Variants in IGDCC4 observed in about 807,000 individuals in gnomAD.
The protein encoded by IGDCC4 is immunoglobulin superfamily DCC subclass member 4.
IGDCC4 carries 72 observed loss-of-function variants against 116.6 expected under a neutral mutation model. The ratio of observed to expected loss-of-function variants is 0.62; its 90% CI spans 0.51 to 0.75. The LOEUF (loss-of-function observed/expected upper bound fraction) is 0.75, where lower values mean the gene tolerates loss of function less well. Ranked by LOEUF, IGDCC4 falls within the 30% of genes least tolerant of loss-of-function variation. The pLI is 0.00. For synonymous variants in IGDCC4, 709 were observed against 719.9 expected, an observed-to-expected ratio of 0.98 and a Z score of 0.24; for missense variants, 1,501 against 1,662.4, an observed-to-expected ratio of 0.90 and a Z score of 1.69.
At chr15:65,405,364 T>C (rs1009333187) in intron 3 of IGDCC4, among the ~76,000 whole-genome samples, 1 of 151,860 alleles carries the variant, frequency 6.6e-6, no homozygotes, top group African/African-American at 2.4e-5. Flanking sequence ...AATTTTTAAA[T>C]GTAAATTGCT....
intron 1 of IGDCC4, among the ~76,000 whole-genome samples, chr15:65,420,034 C>A (rs931836676): frequency 6.0e-5 from 9 of 149,784 alleles, no homozygotes; most frequent in African/African-American, 2.2e-4. Context: ...GCAACCTTCA[C>A]CTCCCAGGTT....
Position 65,386,059 on chromosome 15 carries a change from C to G in IGDCC4, c.2952G>C (p.Arg984Ser). Residue 984 changes from arginine to serine, a missense_variant and splice_region_variant, in exon 18 of 20, where the codon AGG (arginine) becomes AGC (serine). By Grantham distance (110) the Arg-to-Ser change is moderately radical (BLOSUM62 -1). Around this residue, in one of 3 missense-constraint regions of IGDCC4, gnomAD observed 368 missense variants for 355.6 expected, o/e 1.03. Transcript: ENST00000352385. ...TGGAGGACAGGCCTGGGAGGGATTC[C>G]CTGGAAGGGAAGACGGAAAACAAGG... ...MCAGLRRSPH[R>S]ESLPGLSSTA... 1 of 1,498,318 alleles carries G rather than the reference C, an allele frequency of 6.7e-7. No individual in the cohort carries two copies. Among genetic ancestry groups the G allele is most frequent in the South Asian group, 1.3e-5 (1 of 75,920 alleles). The allele number at this position is 1,498,318 out of a possible 1,614,324, so 92.8% of individuals were successfully genotyped here.
In IGDCC4 at chr15:65,393,636, G is replaced by A. The variant is rs565872778; in HGVS notation, c.1715-105C>T. Reference sequence around the variant, plus strand: ...CTCACATCCCGGTTCCTCCGTGCCCGTGGGAGCCTGAGGCGTTCTCAGCAC... The same window carrying A: ...CTCACATCCCGGTTCCTCCGTGCCCATGGGAGCCTGAGGCGTTCTCAGCAC... On this transcript the variant is annotated intron_variant, in intron 9 of 19. Coordinates refer to ENST00000352385, the MANE Select transcript of IGDCC4 (RefSeq NM_020962.3). The surrounding 1 kb of genome is among the most constrained non-coding windows in gnomAD (Gnocchi z 4.6). 105 of 1,227,962 alleles carry A rather than the reference G, an allele frequency of 8.6e-5. No homozygotes were observed. The South Asian group carries it at 1.3e-3, about 15-fold the overall frequency. 76.1% of individuals were successfully genotyped at this position (1,227,962 alleles called of 1,614,324 possible).
chr15:65,384,857 G>T lies in IGDCC4; in HGVS notation c.3342+97C>A. ...TGGCTAGACTTCTATCCCCAGGAAA[G>T]TTACCACCCAGGGGTCTCCAGAGAA... On this transcript the variant is annotated intron_variant, in intron 19 of 19. Transcript: ENST00000352385. This position sits in a 1 kb window ranked among gnomAD's most constrained non-coding sequence, Gnocchi z 4.9. The T allele has an allele frequency of 6.9e-7, 1 of 1,457,404 alleles. No individual in the cohort carries two copies. Among genetic ancestry groups the T allele is most frequent in the Non-Finnish European group, 9.2e-7 (1 of 1,091,744 alleles). 90.3% of individuals were successfully genotyped at this position (1,457,404 alleles called of 1,614,324 possible).
chr15:65,401,078 G>A (rs1490518921), intron 4 of IGDCC4, 132 bp from the exon 5 acceptor site: 1 of 1,138,706 alleles, frequency 8.8e-7, no homozygotes, highest in South Asian at 1.4e-5. Context: ...TCAGATGGGG[G>A]ACGTAGCCAT....
At chr15:65,403,103 G>A (rs959668681) in intron 3 of IGDCC4, among the ~76,000 whole-genome samples, 9 of 152,300 alleles carry the variant, frequency 5.9e-5, no homozygotes, top group African/African-American at 1.2e-4. Flanking sequence ...TGTGTTAAAC[G>A]ATATTCACTC....
At chr15:65,398,402 T>C (rs1389715626) in intron 5 of IGDCC4, among the ~76,000 whole-genome samples, 8 of 150,950 alleles carry the variant, frequency 5.3e-5, no homozygotes, top group African/African-American at 7.3e-5. Context: ...AGTGTGGTGG[T>C]GCATGCCTGT....
chr15:65,396,926 G>T lies in IGDCC4; in HGVS notation c.905C>A (p.Ala302Glu), dbSNP rs1385057176. The part of the protein sequence containing the change: ...LGRTNLLIAN[A>E]QPWHSGVYVC... ...ATAGACGCCGGAGTGCCAGGGCTGC[G>T]CGTTGGCAATTAGTAGGTTGGTGCG... Residue 302 changes from alanine to glutamate, a missense_variant, in exon 6 of 20, where the codon GCG (alanine) becomes GAG (glutamate). This residue lies in a region of IGDCC4 where 898 missense variants were observed against 978.9 expected (regional missense o/e 0.92). Coordinates refer to ENST00000352385, the MANE Select transcript of IGDCC4 (RefSeq NM_020962.3). 1 of 1,575,226 alleles carries T rather than the reference G, an allele frequency of 6.3e-7. No individual in the cohort carries two copies. Among genetic ancestry groups the T allele is most frequent in the Non-Finnish European group, 8.6e-7 (1 of 1,159,994 alleles).
intron 1 of IGDCC4, among the ~76,000 whole-genome samples, chr15:65,416,146 T>TC (rs1293718730): frequency 7.3e-6 from 1 of 137,436 alleles, no homozygotes; most frequent in East Asian, 2.1e-4. Context: ...CTTTTTTTTT[T>TC]TTTTTTTTTT....
At position 65,390,229 on chromosome 15, in the gene IGDCC4, G is replaced by T; in HGVS notation, c.2334C>A (p.Val778=). 6.2e-7 allele frequency: 1 copy of T among 1,613,468 alleles called. No individual in the cohort carries two copies. Among genetic ancestry groups the T allele is most frequent in the South Asian group, 1.1e-5 (1 of 90,984 alleles). The change falls in exon 13 of 20, where the codon GTC becomes GTA. Residue 778 remains valine (V), a synonymous_variant. Transcript: ENST00000352385. ...LRWKKPDFTT[V]KIVNYTVRFS... ...AGCGCACAGTGTAGTTGACAATCTT[G>T]ACTGTGGTGAAATCTGGCTTTTTCC...
In IGDCC4 at chr15:65,402,497, A is replaced by C; in HGVS notation, c.564-10T>G. The C allele has an allele frequency of 6.4e-7, 1 of 1,564,378 alleles. No individual in the cohort carries two copies. The highest frequency in any genetic ancestry group is 8.7e-7 in the Non-Finnish European group (1 of 1,153,480). ...GGGAAGCACGATGAGCCTTGGGAAG[A>C]GGGGAGCAGGCAACTGTGAGGTGGG... is the stretch of plus-strand genomic sequence containing the variant. On this transcript the variant is annotated splice_polypyrimidine_tract_variant and intron_variant, in intron 3 of 19. Transcript: ENST00000352385.
At position 65,384,186 on chromosome 15, in the gene IGDCC4, G is replaced by A. The variant is rs367765322; in HGVS notation, c.3576C>T (p.Pro1192=). The A allele has an allele frequency of 1.4e-4, 220 of 1,612,136 alleles. No homozygotes were observed. Among genetic ancestry groups the A allele is most frequent in the Non-Finnish European group, 1.8e-4 (207 of 1,178,906 alleles). ...GCAAGCAGGTAAGTCTGTCTGGCCCGGGGGCTGCCAGCTCACACCCTCCCA... is the reference window on the plus strand; with the variant it reads ...GCAAGCAGGTAAGTCTGTCTGGCCCAGGGGCTGCCAGCTCACACCCTCCCA... The part of the protein sequence containing the change: ...RELGGCELAA[P]GPDRLTCLPE... Residue 1192 remains proline (P), a synonymous_variant, in exon 20 of 20, where the codon CCC becomes CCT. Transcript: ENST00000352385. The surrounding 1 kb of genome is among the most constrained non-coding windows in gnomAD (Gnocchi z 4.9).
At chr15:65,400,462 A>G (rs942637366) in intron 5 of IGDCC4, among the ~76,000 whole-genome samples, 1 of 152,228 alleles carries the variant, frequency 6.6e-6, no homozygotes, top group African/African-American at 2.4e-5. Flanking sequence ...CCAGCTCTCA[A>G]GTACTCACTT....
In IGDCC4 at chr15:65,406,950, T is replaced by C. The variant is rs144263149; in HGVS notation, c.563+3228A>G. Among the ~76,000 whole-genome samples, 782 of 152,268 alleles carry C rather than the reference T, an allele frequency of 5.1e-3. 9 individuals are homozygous for C. Among genetic ancestry groups the C allele is most frequent in the African/African-American group, 0.018 (750 of 41,542 alleles). On this transcript the variant is annotated intron_variant, in intron 3 of 19. Transcript: ENST00000352385. Reference sequence around the variant, plus strand: ...GTAACTTCTCTGCTCCCAGCCACAGTTGGACTACAGATTTCTAAATCCACC... The same window carrying C: ...GTAACTTCTCTGCTCCCAGCCACAGCTGGACTACAGATTTCTAAATCCACC...
intron 3 of IGDCC4, among the ~76,000 whole-genome samples, chr15:65,405,873 G>T (rs1567089977): frequency 6.6e-6 from 1 of 152,208 alleles, no homozygotes; most frequent in Non-Finnish European, 1.5e-5. Flanking sequence ...ACCTGAGTCT[G>T]CTGCTCCTAC....
At position 65,411,179 on chromosome 15, in the gene IGDCC4, G is replaced by C; in HGVS notation, c.262C>G (p.Leu88Val). 1 of 1,614,242 alleles carries C rather than the reference G, an allele frequency of 6.2e-7. No homozygotes were observed. Among genetic ancestry groups the C allele is most frequent in the Admixed American group, 1.7e-5 (1 of 60,034 alleles). ...GACAGCCACAGGGAACCATTGGGCA[G>C]CAGGTGTAAGTGGTCGTGCTCCAGC... ...TLLEHDHLHL[L>V]PNGSLWLSQP... The change falls in exon 2 of 20, where the codon CTG (leucine) becomes GTG (valine). Residue 88 changes from leucine to valine, a missense_variant. Physicochemically the swap from Leu to Val is conservative, Grantham distance 32. Transcript: ENST00000352385.
At position 65,393,616 on chromosome 15, in the gene IGDCC4, A is replaced by C; in HGVS notation, c.1715-85T>G. 7.1e-7 allele frequency: 1 copy of C among 1,403,166 alleles called. No homozygotes were observed. The highest frequency in any genetic ancestry group is 9.7e-7 in the Non-Finnish European group (1 of 1,035,164). The allele number at this position is 1,403,166 out of a possible 1,614,324, so 86.9% of individuals were successfully genotyped here. Reference sequence around the variant, plus strand: ...CCCCTACATGGCTCTTCCGCCTCACATCCCGGTTCCTCCGTGCCCGTGGGA... The same window carrying C: ...CCCCTACATGGCTCTTCCGCCTCACCTCCCGGTTCCTCCGTGCCCGTGGGA... On this transcript the variant is annotated intron_variant, in intron 9 of 19. Coordinates refer to ENST00000352385, the MANE Select transcript of IGDCC4 (RefSeq NM_020962.3). This position sits in a 1 kb window ranked among gnomAD's most constrained non-coding sequence, Gnocchi z 4.6.
intron 5 of IGDCC4, among the ~76,000 whole-genome samples, chr15:65,398,762 G>A (rs1192703626): frequency 2.0e-5 from 3 of 151,678 alleles, no homozygotes; most frequent in African/African-American, 4.8e-5. Flanking sequence ...GTGGTGGCGG[G>A]TGCCTGTAGT....
chr15:65,396,219 C>A, intron 6 of IGDCC4, 56 bp from the exon 7 acceptor site: 2 of 1,273,192 alleles, frequency 1.6e-6, no homozygotes, highest in Non-Finnish European at 2.0e-6. Flanking sequence ...GGTCTCTGCC[C>A]CCCCCCCAGT....
Sources: gnomAD v4.1 joint callset for allele counts (sites outside exome capture counted in the v4.1 genomes callset) on GRCh38, gnomAD v4.1.1 for gene constraint, gnomAD v4.1.1 regional missense constraint, Gnocchi (gnomAD v3.1) non-coding constraint, MANE v1.5 for transcripts, NCBI Gene and HGNC (gene_info 2026-07-23, HGNC 2026-07-21) for gene names.